The following CLCN3 variants were observed in gnomAD, a reference collection of about 807,000 sequenced individuals.
The protein encoded by CLCN3 is Cl-/H+ antiporter 3.
In CLCN3, 16 loss-of-function variants were observed where a neutral mutation model predicts 83.4. That is an observed-to-expected ratio of 0.19 (90% CI 0.13 to 0.29). The LOEUF (loss-of-function observed/expected upper bound fraction) is 0.29. Among genes scored for constraint, CLCN3 ranks in the 10% least tolerant of loss-of-function variants. The pLI, the probability that CLCN3 is intolerant of heterozygous loss-of-function variation, is 1.00. For synonymous variants in CLCN3, 322 were observed against 346.2 expected, an observed-to-expected ratio of 0.93 and a Z score of 0.78; for missense variants, 544 against 1,006.0, an observed-to-expected ratio of 0.54 and a Z score of 6.21.
chr4:169,702,076 C>T lies in CLCN3; in HGVS notation c.1564-1922C>T, dbSNP rs533663323. 6.0e-4 allele frequency among the ~76,000 whole-genome samples: 91 copies of T among 152,288 alleles called. 1 individual carries two copies. The highest frequency in any genetic ancestry group is 1.1e-3 in the Non-Finnish European group (73 of 68,028). On this transcript the variant is annotated intron_variant, in intron 9 of 12. Transcript: ENST00000513761. ...ACTCACCCAACTCCTGGGATCTTAT[C>T]GGAAAGCTGCCGATCGCTAGTTTCA...
At chr4:169,697,092 A>G (rs1732592602) in intron 8 of CLCN3, 97 bp from the exon 9 acceptor site, 1 of 880,348 alleles carries the variant, frequency 1.1e-6, no homozygotes, top group African/African-American at 1.7e-5. Flanking sequence ...CTACAGCAAA[A>G]TTTAGAGCTA....
At chr4:169,625,540 G>A (rs187903382) in intron 1 of CLCN3, among the ~76,000 whole-genome samples, 34 of 152,268 alleles carry the variant, frequency 2.2e-4, no homozygotes, top group African/African-American at 8.2e-4. Flanking sequence ...GTGTAATGGA[G>A]GTAACCTTCT....
chr4:169,704,706 A>G (rs1732924066), intron 10 of CLCN3, among the ~76,000 whole-genome samples: 1 of 152,210 alleles, frequency 6.6e-6, no homozygotes, highest in African/African-American at 2.4e-5. Context: ...TAATGAGAAG[A>G]AAAGCAAAAT....
rs1040116960 is a variant in CLCN3 at position 169,713,218 on chromosome 4, A to G, written c.2289A>G (p.Thr763=). 2.5e-6 allele frequency: 4 copies of G among 1,614,048 alleles called. No individual in the cohort carries two copies. Among genetic ancestry groups the G allele is most frequent in the Admixed American group, 3.3e-5 (2 of 60,002 alleles). ...SILDMSPFTV[T]DHTPMEIVVD... ...TTGACATGAGCCCTTTTACAGTGAC[A>G]GACCACACCCCAATGGAGATCGTGG... The change falls in exon 12 of 13, where the codon ACA becomes ACG. Residue 763 remains threonine (T), a synonymous_variant. Coordinates refer to ENST00000513761, the MANE Select transcript of CLCN3 (RefSeq NM_001829.4).
chr4:169,635,856 T>G, intron 1 of CLCN3, 57 bp from the exon 2 acceptor site: 1 of 1,377,034 alleles, frequency 7.3e-7, no homozygotes, highest in Non-Finnish European at 9.7e-7. Flanking sequence ...GATGTTAAAC[T>G]AGATGATTTT....
rs78131360 is a variant in CLCN3, at chr4:169,701,344, T to G, written c.1564-2654T>G. ...CTTATCATTCTAGTTCTCTTGCTAT[T>G]TCCACCACTCTGTAGTTACTTCTTC... On this transcript the variant is annotated intron_variant, in intron 9 of 12. Coordinates refer to ENST00000513761, the MANE Select transcript of CLCN3 (RefSeq NM_001829.4). Among the ~76,000 whole-genome samples the G allele has an allele frequency of 2.7e-3, 412 of 152,270 alleles. 2 individuals carry two copies. Among genetic ancestry groups the G allele is most frequent in the Admixed American group, 5.5e-3 (84 of 15,286 alleles).
In CLCN3 at chr4:169,718,079, A is replaced by G. The variant is rs191674014; in HGVS notation, c.2367-1828A>G. Among the ~76,000 whole-genome samples, 427 of 152,328 alleles carry G rather than the reference A, an allele frequency of 2.8e-3. 1 individual carries two copies. In the Middle Eastern group the frequency reaches 0.031, roughly 11 times the overall value. On this transcript the variant is annotated intron_variant, in intron 12 of 12. Coordinates refer to ENST00000513761, the MANE Select transcript of CLCN3 (RefSeq NM_001829.4). ...TTATAGAAAGTAAGCAAAAGTTAAC[A>G]TCTCTCATCAAATCATTCATTACAA...
intron 6 of CLCN3, among the ~76,000 whole-genome samples, chr4:169,691,600 T>C (rs1336402759): frequency 2.0e-5 from 3 of 152,334 alleles, no homozygotes; most frequent in Non-Finnish European, 4.4e-5. Context: ...GTATTGATCT[T>C]TAAGTTTGTA....
intron 2 of CLCN3, among the ~76,000 whole-genome samples, chr4:169,646,547 C>T (rs1294649528): frequency 2.0e-5 from 3 of 152,124 alleles, no homozygotes; most frequent in East Asian, 1.9e-4. Flanking sequence ...CTGCCCCCCT[C>T]GGCCTTCCAA....
chr4:169,691,186 T>G (rs544734967), intron 6 of CLCN3, among the ~76,000 whole-genome samples: 4 of 145,002 alleles, frequency 2.8e-5, no homozygotes, highest in East Asian at 2.0e-4. Flanking sequence ...TTTTTGTTTG[T>G]TTTTTTTTTT....
Position 169,652,486 on chromosome 4 carries a change from A to G in CLCN3, c.160+16398A>G, listed in dbSNP as rs1730757847. On this transcript the variant is annotated intron_variant, in intron 2 of 12. Transcript: ENST00000513761. ...AGCTGTGTGGTTGCTCTAAACTATT[A>G]TATATCATTTTTTAAAAAATGAATT... Among the ~76,000 whole-genome samples, 3 of 152,326 alleles carry G rather than the reference A, an allele frequency of 2.0e-5. 1 individual carries two copies. Among genetic ancestry groups the G allele is most frequent in the East Asian group, 3.9e-4 (2 of 5,194 alleles).
chr4:169,716,585 T>C (rs567086725), intron 12 of CLCN3, among the ~76,000 whole-genome samples: 187 of 152,304 alleles, frequency 1.2e-3, no homozygotes, highest in Admixed American at 6.1e-3. Flanking sequence ...TCATTATATA[T>C]AGTGCATTTT....
chr4:169,659,928 T>C, intron 2 of CLCN3: 9 of 490,382 alleles, frequency 1.8e-5, no homozygotes, highest in Non-Finnish European at 2.4e-5. Context: ...AAAATTTCCT[T>C]TTTACATCTC....
At chr4:169,667,208 C>T (rs1375083544) in intron 2 of CLCN3, among the ~76,000 whole-genome samples, 3 of 151,854 alleles carry the variant, frequency 2.0e-5, no homozygotes, top group Admixed American at 6.6e-5. Flanking sequence ...TTCTTTTGCA[C>T]GTGAATAGCC....
At position 169,620,624 on chromosome 4, in the gene CLCN3, G is replaced by T. The variant is rs1773088120; in HGVS notation, c.-456G>T. 1 of 397,392 alleles carries T rather than the reference G, an allele frequency of 2.5e-6. No homozygotes were observed. The highest frequency in any genetic ancestry group is 4.4e-6 in the Non-Finnish European group (1 of 225,924). 24.6% of individuals were successfully genotyped at this position (397,392 alleles called of 1,614,324 possible). A position where few individuals can be genotyped will look rare whatever the true frequency, so the allele number is the denominator to read the frequency against. The stretch of plus-strand genomic sequence containing the variant: ...GGGCCGGTCCGGTCCGGAACCTGCA[G>T]CCCCTTTCCCAGTGTTCTAGTTCGC... On this transcript the variant is annotated 5_prime_UTR_variant, in exon 1 of 13. Coordinates refer to ENST00000513761, the MANE Select transcript of CLCN3 (RefSeq NM_001829.4).
rs1264658684 is a variant in CLCN3, at chr4:169,697,385, C to G, written c.1214C>G (p.Ala405Gly). The G allele has an allele frequency of 6.2e-7, 1 of 1,613,828 alleles. No homozygotes were observed. The highest frequency in any genetic ancestry group is 8.5e-7 in the Non-Finnish European group (1 of 1,180,000). Residue 405 changes from alanine to glycine, a missense_variant, in exon 9 of 13, where the codon GCC becomes GGC. Ala to Gly is a moderately conservative substitution (Grantham distance 60, BLOSUM62 0). This residue lies in a region of CLCN3 where 194 missense variants were observed against 341.4 expected (regional missense o/e 0.57). Transcript: ENST00000513761. ...LLGVFGGLWG[A>G]FFIRANIAWC... ...GGGGTATTTGGAGGGCTTTGGGGAG[C>G]CTTTTTCATTAGGGCAAATATTGCC...
intron 7 of CLCN3, among the ~76,000 whole-genome samples, chr4:169,694,993 T>G (rs1368856622): frequency 6.6e-6 from 1 of 151,500 alleles, no homozygotes; most frequent in African/African-American, 2.4e-5. Flanking sequence ...CACGGAAGAG[T>G]GTCCTTGGAT....
rs1397830466 is a variant in CLCN3, at chr4:169,723,089, TTTTA to T, written c.*3098_*3101del. 1 of 152,224 alleles carries T rather than the reference TTTTA, an allele frequency of 6.6e-6. No individual in the cohort carries two copies. Among genetic ancestry groups the T allele is most frequent in the Non-Finnish European group, 1.5e-5 (1 of 68,050 alleles). The allele number at this position is 152,224 out of a possible 1,614,324, so 9.4% of individuals were successfully genotyped here. ...GTTGCCTAGAGCTGTATTTATCTGT[TTTTA>T]TTTATACTAGTGTAGTAAAGCTGCA... is the stretch of plus-strand genomic sequence containing the variant. On this transcript the variant is annotated 3_prime_UTR_variant, in exon 13 of 13. Coordinates refer to ENST00000513761, the MANE Select transcript of CLCN3 (RefSeq NM_001829.4).
intron 2 of CLCN3, among the ~76,000 whole-genome samples, chr4:169,644,556 T>C (rs1443596904): frequency 2.0e-5 from 3 of 152,202 alleles, no homozygotes; most frequent in African/African-American, 7.2e-5. Flanking sequence ...CAACAAGTTC[T>C]AGTAAATTTT....
Sources: gnomAD v4.1 joint callset for allele counts (sites outside exome capture counted in the v4.1 genomes callset) on GRCh38, gnomAD v4.1.1 for gene constraint, gnomAD v4.1.1 regional missense constraint, MANE v1.5 for transcripts, NCBI Gene and HGNC (gene_info 2026-07-23, HGNC 2026-07-21) for gene names.